The following ELAPOR2 variants were observed in gnomAD, a reference collection of about 807,000 sequenced individuals.
ELAPOR2 encodes the protein endosome/lysosome-associated apoptosis and autophagy regulator family member 2.
Under a neutral mutation model 120.7 loss-of-function variants are expected in ELAPOR2, and 89 were observed. That is an observed-to-expected ratio of 0.74 (90% CI 0.62 to 0.88). The LOEUF is 0.88. ELAPOR2 is among the 40% of genes least tolerant of loss of function. ELAPOR2 has a pLI of 0.00. For synonymous variants in ELAPOR2, 444 were observed against 444.9 expected (o/e 1.00, Z 0.03); for missense variants, 1,134 against 1,251.6 (o/e 0.91, Z 1.42).
chr7:86,909,428 T>C (rs1789189586), intron 16 of ELAPOR2, among the ~76,000 whole-genome samples: 1 of 152,094 alleles, frequency 6.6e-6, no homozygotes, highest in Non-Finnish European at 1.5e-5. Flanking sequence ...CTGCTTCCTT[T>C]TGGTATGAGA....
chr7:86,918,580 T>C (rs375518608), intron 11 of ELAPOR2, 36 bp from the exon 12 acceptor site: 8 of 1,213,632 alleles, frequency 6.6e-6, no homozygotes, highest in Middle Eastern at 3.8e-4. Context: ...ATTTATACTA[T>C]GTTCTAAATA....
At chr7:86,946,202 C>A (rs1036154342) in intron 3 of ELAPOR2, among the ~76,000 whole-genome samples, 7 of 150,126 alleles carry the variant, frequency 4.7e-5, no homozygotes, top group Non-Finnish European at 1.0e-4. Context: ...TGTGCATACA[C>A]TGGAAAGCCT....
At chr7:86,883,677 T>A (rs1458897449) in intron 21 of ELAPOR2, among the ~76,000 whole-genome samples, 2 of 152,188 alleles carry the variant, frequency 1.3e-5, no homozygotes, top group African/African-American at 4.8e-5. Context: ...TTATATGAAG[T>A]TCTATAACAG....
intron 1 of ELAPOR2, among the ~76,000 whole-genome samples, chr7:87,048,107 G>C (rs1584043212): frequency 6.6e-6 from 1 of 152,232 alleles, no homozygotes; most frequent in South Asian, 2.1e-4. Flanking sequence ...AGCTGGGCAT[G>C]GTGGTGAGCA....
chr7:86,890,259 A>T (rs933223666), intron 21 of ELAPOR2, among the ~76,000 whole-genome samples: 17 of 151,974 alleles, frequency 1.1e-4, no homozygotes, highest in African/African-American at 4.1e-4. Context: ...ATCTTTGTAT[A>T]GAAAATTTCC....
At chr7:86,936,127 C>T (rs746673953) in intron 8 of ELAPOR2, among the ~76,000 whole-genome samples, 3 of 151,970 alleles carry the variant, frequency 2.0e-5, no homozygotes, top group Non-Finnish European at 2.9e-5. Context: ...AGAACCAAAA[C>T]ATAGTCATTG....
At chr7:86,887,389 T>C (rs575029130) in intron 21 of ELAPOR2, among the ~76,000 whole-genome samples, 1 of 152,038 alleles carries the variant, frequency 6.6e-6, no homozygotes, top group African/African-American at 2.4e-5. Context: ...ATGCCAAAAG[T>C]TGACCAGTTC....
Position 87,039,483 on chromosome 7 carries a change from C to T in ELAPOR2, c.189+19842G>A, listed in dbSNP as rs376134629. Among the ~76,000 whole-genome samples, 415 of 152,212 alleles carry T rather than the reference C, an allele frequency of 2.7e-3. 1 individual carries two copies. The highest frequency in any genetic ancestry group is 9.6e-3 in the African/African-American group (397 of 41,554). On this transcript the variant is annotated intron_variant, in intron 1 of 21. Coordinates refer to ENST00000450689, the MANE Select transcript of ELAPOR2 (RefSeq NM_001142749.3). The stretch of plus-strand genomic sequence containing the variant: ...AAAAACTACAGGCCAATATCTCTGA[C>T]GAATACTGATGTAAAAATCCTCAAC...
At chr7:87,035,900 T>G (rs1044356865) in intron 1 of ELAPOR2, among the ~76,000 whole-genome samples, 1 of 152,248 alleles carries the variant, frequency 6.6e-6, no homozygotes, top group Non-Finnish European at 1.5e-5. Flanking sequence ...AATTCTGTTT[T>G]CCAACTCATT....
At chr7:86,981,192 C>T (rs1220644416) in intron 1 of ELAPOR2, among the ~76,000 whole-genome samples, 1 of 152,190 alleles carries the variant, frequency 6.6e-6, no homozygotes, top group Non-Finnish European at 1.5e-5. Flanking sequence ...TTAAATTGGT[C>T]CATACCTCCA....
chr7:86,919,283 T>C lies in ELAPOR2; in HGVS notation c.1427A>G (p.Gln476Arg), dbSNP rs2116166081. The change falls in exon 11 of 22, where the codon CAG (glutamine) becomes CGG (arginine). Residue 476 changes from glutamine to arginine, a missense_variant. Physicochemically the swap from Gln to Arg is conservative, Grantham distance 43. Coordinates refer to ENST00000450689, the MANE Select transcript of ELAPOR2 (RefSeq NM_001142749.3). ...ATTGTCAGAACCTCCAGCCCCACTC[T>C]GGATATGATCTCCAGCCACCTCCCA... ...NGWEVAGDHI[Q>R]SGAGGSDNDY... is the part of the protein sequence containing the mutation. 6.2e-7 allele frequency: 1 copy of C among 1,611,136 alleles called. No individual in the cohort carries two copies. Among genetic ancestry groups the C allele is most frequent in the Non-Finnish European group, 8.5e-7 (1 of 1,178,272 alleles).
At chr7:87,037,138 C>T (rs1794613533) in intron 1 of ELAPOR2, among the ~76,000 whole-genome samples, 1 of 152,014 alleles carries the variant, frequency 6.6e-6, no homozygotes, top group African/African-American at 2.4e-5. Context: ...CCTAAGCACT[C>T]TCCTCAACAC....
At chr7:86,986,411 A>G in intron 1 of ELAPOR2, among the ~76,000 whole-genome samples, 1 of 110,692 alleles carries the variant, frequency 9.0e-6, no homozygotes, top group Non-Finnish European at 1.8e-5. Flanking sequence ...CCTGGGCGAC[A>G]GAGCGAGACT....
Position 86,939,165 on chromosome 7 carries a change from T to C in ELAPOR2, c.848-205A>G, listed in dbSNP as rs1790697251. Among the ~76,000 whole-genome samples the C allele has an allele frequency of 2.0e-5, 3 of 152,224 alleles. No individual in the cohort carries two copies. In the South Asian group the frequency reaches 6.2e-4, roughly 32 times the overall value. On this transcript the variant is annotated intron_variant, in intron 6 of 21. Coordinates refer to ENST00000450689, the MANE Select transcript of ELAPOR2 (RefSeq NM_001142749.3). ...ATCAAGTCAGCAAACAAATAAGAGA[T>C]GAAGATTTCATAGAGGTATAATACT...
At chr7:86,976,637 A>G (rs577877235) in intron 1 of ELAPOR2, among the ~76,000 whole-genome samples, 1 of 152,282 alleles carries the variant, frequency 6.6e-6, no homozygotes, top group Admixed American at 6.5e-5. Flanking sequence ...ACCACACATA[A>G]AAGGGAGAAA....
intron 9 of ELAPOR2, among the ~76,000 whole-genome samples, chr7:86,926,107 C>T (rs1790055472): frequency 6.6e-6 from 1 of 151,936 alleles, no homozygotes; most frequent in African/African-American, 2.4e-5. Flanking sequence ...CATTTATGAA[C>T]TGATTAATTC....
rs1799224186 is a variant in ELAPOR2 at position 86,877,775 on chromosome 7, T to C, written c.*2696A>G. 6.6e-6 allele frequency: 1 copy of C among 152,160 alleles called. No homozygotes were observed. Among genetic ancestry groups the C allele is most frequent in the Non-Finnish European group, 1.5e-5 (1 of 68,022 alleles). 9.4% of individuals were successfully genotyped at this position (152,160 alleles called of 1,614,324 possible). ...CACATAATCAATTTAAACAACCTTT[T>C]TTCTTTGGGAAGAAAATAAGGACAG... On this transcript the variant is annotated 3_prime_UTR_variant, in exon 22 of 22. Transcript: ENST00000450689.
Position 86,897,383 on chromosome 7 carries a change from T to C in ELAPOR2, c.2685+123A>G, listed in dbSNP as rs548305095. 5.3e-5 allele frequency: 64 copies of C among 1,203,626 alleles called. No homozygotes were observed. In the Middle Eastern group the frequency reaches 1.2e-3, roughly 23 times the overall value. 74.6% of individuals were successfully genotyped at this position (1,203,626 alleles called of 1,614,324 possible). Reference sequence around the variant, plus strand: ...GCTGCCAAACTTGATTTTAAATGCCTACCAATGTAACATTAAGTTAAATAC... The same window carrying C: ...GCTGCCAAACTTGATTTTAAATGCCCACCAATGTAACATTAAGTTAAATAC... On this transcript the variant is annotated intron_variant, in intron 19 of 21. Transcript: ENST00000450689.
intron 8 of ELAPOR2, among the ~76,000 whole-genome samples, chr7:86,930,168 G>C (rs55979904): frequency 0.13 from 20,056 of 151,752 alleles, 1,516 homozygotes; most frequent in Non-Finnish European, 0.17. Context: ...TCAAGAAAAT[G>C]TTCTAAAATT....
Sources: gnomAD v4.1 joint callset for allele counts (sites outside exome capture counted in the v4.1 genomes callset) on GRCh38, gnomAD v4.1.1 for gene constraint, MANE v1.5 for transcripts, NCBI Gene and HGNC (gene_info 2026-07-23, HGNC 2026-07-21) for gene names.